The following TDP2 variants were observed in gnomAD, a reference collection of about 807,000 sequenced individuals.
TDP2 encodes the protein tyrosyl-DNA phosphodiesterase 2.
Under a neutral mutation model 42.8 loss-of-function variants are expected in TDP2, and 38 were observed. That is an observed-to-expected ratio of 0.89 (90% confidence interval 0.68 to 1.16). TDP2 has a LOEUF of 1.16. Ranked by LOEUF, TDP2 falls within the 50% of genes most tolerant of loss-of-function variation. The pLI is 0.00. For synonymous variants in TDP2, 173 were observed against 150.6 expected (o/e 1.15, Z -1.09); for missense variants, 439 against 439.3 (o/e 1.00, Z 0.01).
chr6:24,653,194 A>G, intron 5 of TDP2, 41 bp from the exon 6 acceptor site: 2 of 1,581,804 alleles, frequency 1.3e-6, no homozygotes, highest in Non-Finnish European at 1.7e-6. Context: ...TCCACTGACT[A>G]TTAATACTGA....
chr6:24,662,387 G>A (rs759804722), intron 2 of TDP2, among the ~76,000 whole-genome samples: 1 of 152,110 alleles, frequency 6.6e-6, no homozygotes, highest in African/African-American at 2.4e-5. Flanking sequence ...GGAGAAAACC[G>A]CCTTATAGCT....
intron 4 of TDP2, among the ~76,000 whole-genome samples, chr6:24,657,023 A>T (rs778216145): frequency 6.6e-6 from 1 of 152,236 alleles, no homozygotes; most frequent in Non-Finnish European, 1.5e-5. Context: ...GTCGATTGAA[A>T]CTAAAAATCA....
chr6:24,653,985 T>C (rs1181046751), intron 5 of TDP2, among the ~76,000 whole-genome samples: 6 of 152,216 alleles, frequency 3.9e-5, no homozygotes, highest in Non-Finnish European at 5.9e-5. Flanking sequence ...TCTCTAAACT[T>C]CCACACATCA....
At chr6:24,652,882 T>A in intron 6 of TDP2, 101 bp downstream of exon 6, 1 of 1,290,874 alleles carries the variant, frequency 7.7e-7, no homozygotes, top group Admixed American at 1.7e-5. Flanking sequence ...ACATTTTGAG[T>A]GACTAAAGGT....
rs779185834 is a variant in TDP2, at chr6:24,666,800, C to T, written c.63G>A (p.Glu21=). 9 of 1,614,116 alleles carry T rather than the reference C, an allele frequency of 5.6e-6. No homozygotes were observed. The highest frequency in any genetic ancestry group is 5.1e-6 in the Non-Finnish European group (6 of 1,180,052). The change falls in exon 1 of 7, where the codon GAG becomes GAA. Residue 21 remains glutamate (E), a synonymous_variant. Transcript: ENST00000378198. ...CACACAGAAGTCGCCGCTTTTTCAC[C>T]TCAGGCTCGCCCTCTTCCTCCGCCG... ...REAAEEEGEP[E]VKKRRLLCVE... is the part of the protein sequence containing the mutation.
intron 3 of TDP2, among the ~76,000 whole-genome samples, chr6:24,658,280 T>C (rs1562148601): frequency 6.6e-6 from 1 of 152,204 alleles, no homozygotes; most frequent in Non-Finnish European, 1.5e-5. Flanking sequence ...AGAGCCAGCA[T>C]GGGGCACAAA....
At position 24,650,568 on chromosome 6, in the gene TDP2, C is replaced by T; in HGVS notation, c.*220G>A. The T allele has an allele frequency of 1.8e-6, 1 of 543,190 alleles. No homozygotes were observed. The highest frequency in any genetic ancestry group is 3.2e-6 in the Non-Finnish European group (1 of 312,138). The allele number at this position is 543,190 out of a possible 1,614,324, so 33.6% of individuals were successfully genotyped here. ...TTGAAAACTCTGACAGGCTTTGTGC[C>T]CTTTTTATTAAATGGCCTCACATCC... On this transcript the variant is annotated 3_prime_UTR_variant, in exon 7 of 7. Coordinates refer to ENST00000378198, the MANE Select transcript of TDP2 (RefSeq NM_016614.3).
At position 24,650,739 on chromosome 6, in the gene TDP2, G is replaced by A. The variant is rs1014092336; in HGVS notation, c.*49C>T. The A allele has an allele frequency of 2.5e-6, 4 of 1,578,710 alleles. No individual in the cohort carries two copies. The South Asian group carries it at 3.4e-5, about 14-fold the overall frequency. The stretch of plus-strand genomic sequence containing the variant: ...AGCAAACCTACCTTTCCAGAAGGTG[G>A]AAATTGTATTTGCAACAATCAGGGC... On this transcript the variant is annotated 3_prime_UTR_variant, in exon 7 of 7. Coordinates refer to ENST00000378198, the MANE Select transcript of TDP2 (RefSeq NM_016614.3).
In TDP2 at chr6:24,650,541, C is replaced by T. The variant is rs994173029; in HGVS notation, c.*247G>A. 1.5e-5 allele frequency: 7 copies of T among 473,472 alleles called. No homozygotes were observed. Among genetic ancestry groups the T allele is most frequent in the Admixed American group, 3.9e-5 (1 of 25,950 alleles). 29.3% of individuals were successfully genotyped at this position (473,472 alleles called of 1,614,324 possible). ...GAATCCAGCTGGCAGCTATAAGCAC[C>T]GTTGAAAACTCTGACAGGCTTTGTG... On this transcript the variant is annotated 3_prime_UTR_variant, in exon 7 of 7. Coordinates refer to ENST00000378198, the MANE Select transcript of TDP2 (RefSeq NM_016614.3).
chr6:24,658,177 T>A (rs971876618), intron 3 of TDP2, among the ~76,000 whole-genome samples: 2 of 152,248 alleles, frequency 1.3e-5, no homozygotes, highest in African/African-American at 4.8e-5. Context: ...CACTAAGAGA[T>A]GCTTTCAATG....
rs1778217966 is a variant in TDP2, at chr6:24,665,641, A to G, written c.251+885T>C. Among the ~76,000 whole-genome samples, 7 of 152,356 alleles carry G rather than the reference A, an allele frequency of 4.6e-5. No individual in the cohort carries two copies. In the South Asian group the frequency reaches 1.4e-3, roughly 32 times the overall value. ...TGTTGTGTCAGACTTTGGGAAATTA[A>G]CAATGTACAAAACAGATACTCCTTA... On this transcript the variant is annotated intron_variant, in intron 2 of 6. Coordinates refer to ENST00000378198, the MANE Select transcript of TDP2 (RefSeq NM_016614.3).
intron 2 of TDP2, chr6:24,659,157 T>C (rs1374975222): frequency 6.4e-6 from 1 of 156,076 alleles, no homozygotes; most frequent in Non-Finnish European, 1.4e-5. Context: ...TTTCTTCATC[T>C]CTAGATCCCA....
At chr6:24,653,294 C>T (rs981728024) in intron 5 of TDP2, 141 bp from the exon 6 acceptor site, 10 of 883,352 alleles carry the variant, frequency 1.1e-5, no homozygotes, top group African/African-American at 1.7e-5. Flanking sequence ...CCTATCCCTC[C>T]GGATCAAAAG....
In TDP2 at chr6:24,653,032, T is replaced by C. The variant is rs1370812223; in HGVS notation, c.758A>G (p.Glu253Gly). ...TCCTGCAAATATAACTGTAGCTGAC[T>C]CTGGAGCCTCTTGCATTTTCTTTAA... is the stretch of plus-strand genomic sequence containing the variant. Reference protein sequence around the residue: ...MVLKKMQEAPESATVIFAGDT... With the variant: ...MVLKKMQEAPGSATVIFAGDT... Residue 253 changes from glutamate (E) to glycine (G), a missense_variant, in exon 6 of 7, where the codon GAG (glutamate) becomes GGG (glycine). Glu to Gly is a moderately conservative substitution (Grantham distance 98). Coordinates refer to ENST00000378198, the MANE Select transcript of TDP2 (RefSeq NM_016614.3). The C allele has an allele frequency of 6.2e-7, 1 of 1,614,108 alleles. No homozygotes were observed. Among genetic ancestry groups the C allele is most frequent in the Non-Finnish European group, 8.5e-7 (1 of 1,180,036 alleles).
intron 6 of TDP2, among the ~76,000 whole-genome samples, chr6:24,651,787 G>A (rs903452406): frequency 3.3e-5 from 5 of 152,062 alleles, no homozygotes; most frequent in African/African-American, 7.2e-5. Flanking sequence ...GGGTTTCACC[G>A]TGCCGGCCAG....
At chr6:24,657,264 A>C (rs1385829025) in intron 4 of TDP2, among the ~76,000 whole-genome samples, 1 of 152,214 alleles carries the variant, frequency 6.6e-6, no homozygotes, top group Non-Finnish European at 1.5e-5. Context: ...CACTGAGGAA[A>C]CTGAGTATGT....
chr6:24,651,101 A>C, intron 6 of TDP2, 32 bp from the exon 7 acceptor site: 2 of 1,501,236 alleles, frequency 1.3e-6, no homozygotes, highest in Non-Finnish European at 1.8e-6. Context: ...TCTAAGATAC[A>C]CATAGCCTTT....
intron 2 of TDP2, among the ~76,000 whole-genome samples, chr6:24,663,009 T>A (rs1182397927): frequency 6.6e-6 from 1 of 152,158 alleles, no homozygotes; most frequent in Admixed American, 6.5e-5. Flanking sequence ...CACACACACC[T>A]TTTTTTCCAA....
Position 24,658,628 on chromosome 6 carries a change from T to C in TDP2, c.358A>G (p.Asn120Asp). ...TTGTTTAGATCTAATCCATCAATAT[T>C]CCAGGTAATGAGAGAGAACATGCTG... Reference protein sequence around the residue: ...NGSMFSLITWNIDGLDLNNLS... With the variant: ...NGSMFSLITWDIDGLDLNNLS... The change falls in exon 3 of 7, where the codon AAT (asparagine) becomes GAT (aspartate). Residue 120 changes from asparagine (N) to aspartate (D), a missense_variant. By Grantham distance (23) the Asn-to-Asp change is conservative (BLOSUM62 1). Coordinates refer to ENST00000378198, the MANE Select transcript of TDP2 (RefSeq NM_016614.3). The C allele has an allele frequency of 6.2e-7, 1 of 1,613,990 alleles. No homozygotes were observed. Among genetic ancestry groups the C allele is most frequent in the Non-Finnish European group, 8.5e-7 (1 of 1,179,890 alleles).
Sources: allele counts gnomAD v4.1 joint callset (sites outside exome capture counted in the v4.1 genomes callset), GRCh38; gene constraint gnomAD v4.1.1; transcripts MANE v1.5; gene names NCBI Gene and HGNC (gene_info 2026-07-23, HGNC 2026-07-21).